Variants in CLIC5 observed in about 807,000 individuals in gnomAD.
CLIC5 encodes chloride intracellular channel protein 5.
Under a neutral mutation model 24.7 loss-of-function variants are expected in CLIC5, and 20 were observed. The ratio of observed to expected loss-of-function variants is 0.81; its 90% CI spans 0.57 to 1.18. The LOEUF (loss-of-function observed/expected upper bound fraction) is 1.18. Ranked by LOEUF, CLIC5 falls within the 50% of genes most tolerant of loss-of-function variation. CLIC5 has a pLI of 0.00. For synonymous variants in CLIC5, 159 were observed against 135.6 expected (o/e 1.17, Z -1.20); for missense variants, 341 against 326.1 (o/e 1.05, Z -0.35).
At chr6:46,108,450 G>A in the CLIC5 span, among the ~76,000 whole-genome samples, 1 of 151,624 alleles carries the variant, frequency 6.6e-6, no homozygotes, top group Non-Finnish European at 1.5e-5. Context: ...AGGCTGGAGT[G>A]CAATGGTGCG....
chr6:45,945,556 G>C (rs1217180623), intron 3 of CLIC5, among the ~76,000 whole-genome samples: 1 of 152,114 alleles, frequency 6.6e-6, no homozygotes, highest in Non-Finnish European at 1.5e-5. Flanking sequence ...ATGGAAGAGG[G>C]CCACCCTACC....
At chr6:46,008,159 T>C (rs1036308891) in intron 1 of CLIC5, among the ~76,000 whole-genome samples, 7 of 152,192 alleles carry the variant, frequency 4.6e-5, no homozygotes, top group Admixed American at 2.6e-4. Context: ...AGGGAGCAGA[T>C]ACCACTTACC....
intron 4 of CLIC5, 44 bp from the exon 5 acceptor site, chr6:45,914,453 A>G (rs1440533601): frequency 1.3e-6 from 2 of 1,520,964 alleles, no homozygotes. Flanking sequence ...ACTTCTTGCC[A>G]GTGGATACAG....
the CLIC5 span, among the ~76,000 whole-genome samples, chr6:46,089,122 G>A: frequency 6.6e-6 from 1 of 152,178 alleles, no homozygotes; most frequent in African/African-American, 2.4e-5. Context: ...GTGGGTAGAA[G>A]TAGGGGACAA....
chr6:46,106,172 C>T, the CLIC5 span, among the ~76,000 whole-genome samples: 1 of 151,432 alleles, frequency 6.6e-6, no homozygotes, highest in Admixed American at 6.6e-5. Context: ...GGTGTGATCT[C>T]GGCTCACTGC....
At chr6:45,937,740 A>C (rs1291174537) in intron 4 of CLIC5, 1 of 152,184 alleles carries the variant, frequency 6.6e-6, no homozygotes, top group African/African-American at 2.4e-5. Flanking sequence ...TGTACAAACT[A>C]ATGGATGATT....
At chr6:45,934,762 G>A (rs1056605780) in intron 4 of CLIC5, among the ~76,000 whole-genome samples, 2 of 152,382 alleles carry the variant, frequency 1.3e-5, no homozygotes, top group African/African-American at 4.8e-5. Context: ...AAAAGCACAT[G>A]AGAATATGAC....
chr6:45,985,905 C>T (rs886612215), intron 1 of CLIC5, among the ~76,000 whole-genome samples: 1 of 152,088 alleles, frequency 6.6e-6, no homozygotes, highest in Non-Finnish European at 1.5e-5. Flanking sequence ...TCATAATTCC[C>T]ACCTGTCATG....
chr6:46,062,725 C>T (rs1452406987), intron 1 of CLIC5, among the ~76,000 whole-genome samples: 1 of 152,210 alleles, frequency 6.6e-6, no homozygotes, highest in Non-Finnish European at 1.5e-5. Flanking sequence ...CTGATCAGCG[C>T]ATTTTCCTAG....
chr6:46,080,560 T>C (rs1762898663), upstream of CLIC5, among the ~76,000 whole-genome samples: 1 of 152,198 alleles, frequency 6.6e-6, no homozygotes, highest in South Asian at 2.1e-4. Context: ...GAGATTGAAT[T>C]GAATTATCTT....
chr6:46,023,052 C>G (rs1486513583), intron 1 of CLIC5, among the ~76,000 whole-genome samples: 1 of 152,154 alleles, frequency 6.6e-6, no homozygotes, highest in African/African-American at 2.4e-5. Flanking sequence ...TGCACATGCT[C>G]AATAAATAAT....
chr6:46,036,379 C>T (rs1027304070), intron 1 of CLIC5, among the ~76,000 whole-genome samples: 3 of 142,690 alleles, frequency 2.1e-5, no homozygotes, highest in African/African-American at 5.3e-5. Context: ...GGCGCGGTCT[C>T]GGTTCACTGC....
upstream of CLIC5, among the ~76,000 whole-genome samples, chr6:46,017,902 G>A (rs1367435111): frequency 6.6e-6 from 1 of 152,202 alleles, no homozygotes; most frequent in Non-Finnish European, 1.5e-5. Flanking sequence ...CCTCCTTCCT[G>A]AAGAAAGCAG....
chr6:45,896,970 C>T (rs971898546), downstream of CLIC5, among the ~76,000 whole-genome samples: 4 of 152,140 alleles, frequency 2.6e-5, no homozygotes, highest in Non-Finnish European at 4.4e-5. Flanking sequence ...TTGGGCCACT[C>T]GTGGGGTAAA....
intron 1 of CLIC5, among the ~76,000 whole-genome samples, chr6:45,960,652 C>T (rs1481904017): frequency 1.3e-5 from 2 of 152,220 alleles, no homozygotes; most frequent in African/African-American, 4.8e-5. Flanking sequence ...CCCCATTAAG[C>T]CTATGTCCAG....
intron 6 of CLIC5, among the ~76,000 whole-genome samples, chr6:45,892,543 G>T (rs942821209): frequency 6.6e-6 from 1 of 152,156 alleles, no homozygotes; most frequent in Non-Finnish European, 1.5e-5. Context: ...TGCAGTGCGG[G>T]CTTTGTTCTT....
At chr6:46,010,215 A>T (rs964558092) in intron 1 of CLIC5, among the ~76,000 whole-genome samples, 6 of 152,150 alleles carry the variant, frequency 3.9e-5, no homozygotes, top group Admixed American at 6.5e-5. Context: ...CTTCTTGTAC[A>T]CATCAAGGGA....
At chr6:46,012,631 G>C (rs557035556) in intron 1 of CLIC5, among the ~76,000 whole-genome samples, 40 of 152,304 alleles carry the variant, frequency 2.6e-4, no homozygotes, top group African/African-American at 9.1e-4. Flanking sequence ...ATTTGGAAAA[G>C]AGCAAGAAAT....
upstream of CLIC5, among the ~76,000 whole-genome samples, chr6:46,082,576 G>T (rs1271816066): frequency 6.6e-6 from 1 of 152,072 alleles, no homozygotes; most frequent in Non-Finnish European, 1.5e-5. Flanking sequence ...TTCTATACCT[G>T]GAACACTCCT....
Sources: gnomAD v4.1 joint callset for allele counts (sites outside exome capture counted in the v4.1 genomes callset) on GRCh38, gnomAD v4.1.1 for gene constraint, MANE v1.5 for transcripts, NCBI Gene and HGNC (gene_info 2026-07-23, HGNC 2026-07-21) for gene names.